The following GLYATL3 variants were observed in gnomAD, a reference collection of about 807,000 sequenced individuals.
The protein encoded by GLYATL3 is glycine N-acyltransferase-like protein 3.
Under a neutral mutation model 28.5 loss-of-function variants are expected in GLYATL3, and 31 were observed. That is an observed-to-expected ratio of 1.09 (90% CI 0.82 to 1.47). The LOEUF (loss-of-function observed/expected upper bound fraction) is 1.47, where lower values mean the gene tolerates loss of function less well. Among genes scored for constraint, GLYATL3 ranks in the 40% most tolerant of loss-of-function variants. The pLI, the probability that GLYATL3 is intolerant of heterozygous loss-of-function variation, is 0.00. For missense variants in GLYATL3, 369 were observed against 351.5 expected (o/e 1.05, Z -0.40); for synonymous variants, 141 against 140.2 (o/e 1.01, Z -0.04).
chr6:49,503,581 C>A (rs1768953161), intron 1 of GLYATL3, among the ~76,000 whole-genome samples: 1 of 152,154 alleles, frequency 6.6e-6, no homozygotes, highest in Non-Finnish European at 1.5e-5. Context: ...GTAATATGAC[C>A]TTTAGGAGCC....
intron 5 of GLYATL3, among the ~76,000 whole-genome samples, chr6:49,522,937 C>T (rs1284108155): frequency 2.0e-5 from 3 of 151,742 alleles, no homozygotes; most frequent in South Asian, 4.2e-4. Context: ...AGAAAATGTC[C>T]CAGACATTAT....
chr6:49,501,154 C>T (rs1202085877), intron 1 of GLYATL3, among the ~76,000 whole-genome samples: 1 of 152,164 alleles, frequency 6.6e-6, no homozygotes, highest in African/African-American at 2.4e-5. Flanking sequence ...AATCCCAGCA[C>T]TTTGGGGGGC....
chr6:49,515,970 T>C lies in GLYATL3; in HGVS notation c.186+210T>C, dbSNP rs559060448. Among the ~76,000 whole-genome samples the C allele has an allele frequency of 2.9e-5, 4 of 135,812 alleles. No individual in the cohort carries two copies. The South Asian group carries it at 1.1e-3, about 38-fold the overall frequency. 89.1% of individuals were successfully genotyped at this position (135,812 alleles called of 152,430 possible). ...CTCCCTCTCTCTCTCTCTCTCATTC[T>C]GTCACCCAGACTAGAGTGCAGTGGC... On this transcript the variant is annotated intron_variant, in intron 3 of 5. Transcript: ENST00000371197.
At chr6:49,521,494 A>C (rs1248886698) in intron 4 of GLYATL3, 151 bp from the exon 5 acceptor site, 1 of 553,428 alleles carries the variant, frequency 1.8e-6, no homozygotes, top group South Asian at 4.1e-5. Context: ...TAGCTGTAAT[A>C]ATTTAGATGT....
At position 49,526,509 on chromosome 6, in the gene GLYATL3, A is replaced by C; in HGVS notation, c.462A>C (p.Leu154=). The change falls in exon 6 of 6, where the codon CTA becomes CTC. Residue 154 remains leucine (L), a synonymous_variant. Coordinates refer to ENST00000371197, the MANE Select transcript of GLYATL3 (RefSeq NM_001010904.2). ...CTAGCAAGGGGCCTTCCCCACGACT[A>C]ACCTACCTGAGTGTTGCCAATGCGG... ...TSFLKGPSPR[L]TYLSVANADL... 1 of 1,551,628 alleles carries C rather than the reference A, an allele frequency of 6.4e-7. No individual in the cohort carries two copies. Among genetic ancestry groups the C allele is most frequent in the South Asian group, 1.2e-5 (1 of 84,052 alleles).
chr6:49,501,583 T>C (rs1039554457), intron 1 of GLYATL3, among the ~76,000 whole-genome samples: 1 of 152,236 alleles, frequency 6.6e-6, no homozygotes, highest in Non-Finnish European at 1.5e-5. Context: ...ATATAGTGTG[T>C]GCATCAGTAA....
At chr6:49,506,091 T>C (rs1195855787) in intron 1 of GLYATL3, among the ~76,000 whole-genome samples, 1 of 152,174 alleles carries the variant, frequency 6.6e-6, no homozygotes, top group African/African-American at 2.4e-5. Context: ...CACCTAGTAA[T>C]TTTTGAAAAT....
At chr6:49,523,544 C>A (rs927406316) in intron 5 of GLYATL3, among the ~76,000 whole-genome samples, 1 of 152,158 alleles carries the variant, frequency 6.6e-6, no homozygotes, top group African/African-American at 2.4e-5. Flanking sequence ...GAAATGGTAG[C>A]CCCCCTCCAG....
intron 1 of GLYATL3, among the ~76,000 whole-genome samples, chr6:49,505,832 A>G (rs550563533): frequency 2.6e-5 from 4 of 152,252 alleles, no homozygotes; most frequent in African/African-American, 7.2e-5. Flanking sequence ...TCAACTAGAG[A>G]ATTATTTTGT....
chr6:49,521,707 A>G lies in GLYATL3; in HGVS notation c.376A>G (p.Lys126Glu), dbSNP rs1027432221. 3.9e-6 allele frequency: 6 copies of G among 1,550,976 alleles called. No homozygotes were observed. The highest frequency in any genetic ancestry group is 5.2e-6 in the Non-Finnish European group (6 of 1,146,338). ...AVANSKQLNI[K>E]LTSFKAVHFS... ...TGCCAATTCAAAGCAGTTGAATATA[A>G]AGCTAACTTCCTTCAAGGCTGTTCA... The change falls in exon 5 of 6, where the codon AAG becomes GAG. Residue 126 changes from lysine to glutamate, a missense_variant. Coordinates refer to ENST00000371197, the MANE Select transcript of GLYATL3 (RefSeq NM_001010904.2).
At chr6:49,515,920 C>T (rs1327540361) in intron 3 of GLYATL3, among the ~76,000 whole-genome samples, 160 bp downstream of exon 3, 1 of 144,480 alleles carries the variant, frequency 6.9e-6, no homozygotes, top group Non-Finnish European at 1.5e-5. Flanking sequence ...CCTTCCCTCC[C>T]TCCCTCCCTC....
chr6:49,520,552 C>T (rs1769295633), intron 4 of GLYATL3, among the ~76,000 whole-genome samples: 2 of 152,160 alleles, frequency 1.3e-5, no homozygotes, highest in African/African-American at 4.8e-5. Context: ...AGTCCCAGGC[C>T]CACACTGAAG....
intron 1 of GLYATL3, among the ~76,000 whole-genome samples, chr6:49,511,237 G>A (rs1769116865): frequency 6.6e-6 from 1 of 152,160 alleles, no homozygotes; most frequent in South Asian, 2.1e-4. Flanking sequence ...CAGGCGAGGT[G>A]AAGCCCCCAA....
At chr6:49,510,280 G>T (rs1769098270) in intron 1 of GLYATL3, among the ~76,000 whole-genome samples, 1 of 152,008 alleles carries the variant, frequency 6.6e-6, no homozygotes, top group Admixed American at 6.6e-5. Flanking sequence ...GACCTCAGGT[G>T]ATCCACCCGC....
chr6:49,509,948 C>CTTCCTT (rs68151540), intron 1 of GLYATL3, among the ~76,000 whole-genome samples: 6,928 of 100,220 alleles, frequency 0.069, 252 homozygotes, highest in Middle Eastern at 0.11. Context: ...TATTTTCTTT[C>CTTCCTT]TCTTTCTTTC....
At chr6:49,501,730 G>A (rs1768916875) in intron 1 of GLYATL3, among the ~76,000 whole-genome samples, 2 of 152,210 alleles carry the variant, frequency 1.3e-5, no homozygotes, top group Admixed American at 1.3e-4. Flanking sequence ...TAGACAACTA[G>A]TTAGACCAGA....
intron 4 of GLYATL3, among the ~76,000 whole-genome samples, chr6:49,518,030 G>T (rs895526370): frequency 6.6e-6 from 1 of 151,850 alleles, no homozygotes; most frequent in East Asian, 1.9e-4. Context: ...TCAAATGACT[G>T]TTTTTTTTCT....
intron 5 of GLYATL3, among the ~76,000 whole-genome samples, chr6:49,522,642 G>GA (rs1769337382): frequency 6.6e-6 from 1 of 152,148 alleles, no homozygotes; most frequent in Admixed American, 6.5e-5. Flanking sequence ...GCAAGAGACT[G>GA]AAGCAAGATA....
chr6:49,526,787 G>A lies in GLYATL3; in HGVS notation c.740G>A (p.Gly247Glu). The A allele has an allele frequency of 1.9e-6, 3 of 1,551,952 alleles. No homozygotes were observed. Among genetic ancestry groups the A allele is most frequent in the Non-Finnish European group, 2.6e-6 (3 of 1,147,036 alleles). ...KLQSRGFPSQ[G>E]NVLDDNTASI... The stretch of plus-strand genomic sequence containing the variant: ...CAAAGCCGGGGATTCCCCTCTCAGG[G>A]GAACGTCCTGGATGACAACACGGCG... Residue 247 changes from glycine to glutamate, a missense_variant, in exon 6 of 6, where the codon GGG becomes GAG. Coordinates refer to ENST00000371197, the MANE Select transcript of GLYATL3 (RefSeq NM_001010904.2).
Sources: gnomAD v4.1 joint callset for allele counts (sites outside exome capture counted in the v4.1 genomes callset) on GRCh38, gnomAD v4.1.1 for gene constraint, MANE v1.5 for transcripts, NCBI Gene and HGNC (gene_info 2026-07-23, HGNC 2026-07-21) for gene names.